FBXO10: variants seen among roughly 807,000 people sequenced by gnomAD.
FBXO10 encodes F-box only protein 10.
A neutral mutation model predicts 80.7 loss-of-function variants in FBXO10; 39 were observed. The ratio of observed to expected loss-of-function variants is 0.48; its 90% confidence interval spans 0.37 to 0.63. The LOEUF is 0.63. Among genes scored for constraint, FBXO10 ranks in the 30% least tolerant of loss-of-function variants. The probability of loss-of-function intolerance (pLI) is 0.00; values close to 1 mark genes in which losing one functional copy is unlikely to be tolerated. For missense variants in FBXO10, 1,025 were observed against 1,269.0 expected (o/e 0.81, Z 2.92); for synonymous variants, 449 against 489.6 (o/e 0.92, Z 1.09).
At chr9:37,556,333 T>C (rs1822333769) in intron 1 of FBXO10, among the ~76,000 whole-genome samples, 1 of 151,844 alleles carries the variant, frequency 6.6e-6, no homozygotes, top group African/African-American at 2.4e-5. Context: ...AAAAGTTTTA[T>C]AGTTTACACT....
intron 1 of FBXO10, among the ~76,000 whole-genome samples, chr9:37,559,827 C>T (rs1416345564): frequency 6.6e-6 from 1 of 152,196 alleles, no homozygotes; most frequent in Non-Finnish European, 1.5e-5. Context: ...TTAGAGTAAG[C>T]AGAGATCCCG....
chr9:37,557,167 T>A (rs965575039), intron 1 of FBXO10, among the ~76,000 whole-genome samples: 3 of 152,206 alleles, frequency 2.0e-5, no homozygotes, highest in African/African-American at 7.2e-5. Context: ...TTTCAGGCAA[T>A]GATGCCAATA....
intron 2 of FBXO10, among the ~76,000 whole-genome samples, chr9:37,539,825 G>A (rs1821867956): frequency 6.6e-6 from 1 of 152,176 alleles, no homozygotes; most frequent in Non-Finnish European, 1.5e-5. Flanking sequence ...TACCAACTGT[G>A]ACCTTCAGTA....
intron 2 of FBXO10, 91 bp downstream of exon 2, chr9:37,541,093 T>A: frequency 8.4e-7 from 1 of 1,187,696 alleles, no homozygotes. Flanking sequence ...TAACTTTCAA[T>A]TCCAACAAAA....
chr9:37,517,246 T>C (rs570948083), intron 9 of FBXO10, among the ~76,000 whole-genome samples: 1 of 152,130 alleles, frequency 6.6e-6, no homozygotes, highest in East Asian at 1.9e-4. Context: ...TAAAAGACTA[T>C]ATATTGGGTA....
chr9:37,519,229 A>T (rs79228423), intron 8 of FBXO10, among the ~76,000 whole-genome samples: 13,054 of 152,190 alleles, frequency 0.086, 1,566 homozygotes, highest in African/African-American at 0.27. Context: ...TTCTTAATGT[A>T]AGTTCTGTAA....
chr9:37,563,915 G>A (rs1018708204), intron 1 of FBXO10, among the ~76,000 whole-genome samples: 1 of 152,240 alleles, frequency 6.6e-6, no homozygotes, highest in Admixed American at 6.5e-5. Context: ...AAGTAATGAG[G>A]AATGTTAATC....
chr9:37,544,691 G>A (rs1179908794), intron 1 of FBXO10, among the ~76,000 whole-genome samples: 2 of 152,004 alleles, frequency 1.3e-5, no homozygotes. Context: ...TCACCAGCGA[G>A]ACTTTACTAA....
Position 37,540,783 on chromosome 9 carries a change from G to A in FBXO10, c.585+401C>T, listed in dbSNP as rs190490337. On this transcript the variant is annotated intron_variant, in intron 2 of 10. Transcript: ENST00000432825. ...TGCTGAAGGTGACTAGTCCTGTATA[G>A]CCTTTTTCCTCTGTGGCTCTCACTC... Among the ~76,000 whole-genome samples, 227 of 152,314 alleles carry A rather than the reference G, an allele frequency of 1.5e-3. 1 individual carries two copies. The highest frequency in any genetic ancestry group is 5.2e-3 in the African/African-American group (215 of 41,568).
chr9:37,532,294 C>CTTT (rs869146793), intron 3 of FBXO10, among the ~76,000 whole-genome samples: 35 of 102,388 alleles, frequency 3.4e-4, no homozygotes, highest in East Asian at 5.8e-4. Flanking sequence ...CACATTGGTT[C>CTTT]TTTTTTTTTT....
intron 1 of FBXO10, among the ~76,000 whole-genome samples, chr9:37,543,851 C>T (rs906785150): frequency 8.5e-5 from 13 of 152,200 alleles, no homozygotes; most frequent in African/African-American, 2.9e-4. Flanking sequence ...GGACTATGGC[C>T]GGACATGGTG....
rs539986772 is a variant in FBXO10 at position 37,557,680 on chromosome 9, T to A, written c.-6-15906A>T. On this transcript the variant is annotated intron_variant, in intron 1 of 10. Transcript: ENST00000432825. ...AAAGTCCATTTCTAGCTAGCTCAGA[T>A]AATCTCCCTCCCACATAACAGCTTA... Among the ~76,000 whole-genome samples the A allele has an allele frequency of 2.6e-5, 4 of 152,372 alleles. No individual in the cohort carries two copies. The South Asian group carries it at 8.3e-4, about 32-fold the overall frequency.
chr9:37,572,593 A>T (rs1037106194), intron 1 of FBXO10, among the ~76,000 whole-genome samples: 1 of 152,250 alleles, frequency 6.6e-6, no homozygotes, highest in African/African-American at 2.4e-5. Flanking sequence ...GTATGAAATT[A>T]AAAAACTTAA....
intron 10 of FBXO10, 104 bp from the exon 11 acceptor site, chr9:37,512,825 G>C: frequency 8.4e-7 from 1 of 1,184,424 alleles, no homozygotes; most frequent in Non-Finnish European, 1.2e-6. Flanking sequence ...GGATCCAGGT[G>C]TTTAAATCTG....
rs141746819 is a variant in FBXO10, at chr9:37,536,341, G to A, written c.1419+769C>T. 9.9e-5 allele frequency among the ~76,000 whole-genome samples: 15 copies of A among 152,260 alleles called. No homozygotes were observed. The East Asian group carries it at 2.9e-3, about 29-fold the overall frequency. On this transcript the variant is annotated intron_variant, in intron 3 of 10. Transcript: ENST00000432825. ...GACTCGAATCTAGGTGCTATGCCAT[G>A]CTTTCTTCTGCATGGGCTGTCTTTC...
intron 8 of FBXO10, among the ~76,000 whole-genome samples, chr9:37,519,156 G>A (rs954878988): frequency 4.6e-5 from 7 of 152,116 alleles, no homozygotes; most frequent in South Asian, 2.1e-4. Flanking sequence ...TGATCCACCT[G>A]CCTCGGCCTC....
intron 10 of FBXO10, 30 bp downstream of exon 10, chr9:37,515,874 G>T: frequency 6.2e-7 from 1 of 1,602,936 alleles, no homozygotes; most frequent in South Asian, 1.1e-5. Context: ...TGGCTCTAGA[G>T]GACTCGTTCA....
At chr9:37,532,887 A>T (rs1275944165) in intron 3 of FBXO10, among the ~76,000 whole-genome samples, 1 of 152,226 alleles carries the variant, frequency 6.6e-6, no homozygotes, top group Non-Finnish European at 1.5e-5. Flanking sequence ...CTTCACTAAA[A>T]TCCACCTGTC....
At chr9:37,572,170 G>C (rs935937117) in intron 1 of FBXO10, among the ~76,000 whole-genome samples, 2 of 152,004 alleles carry the variant, frequency 1.3e-5, no homozygotes, top group African/African-American at 4.8e-5. Flanking sequence ...TAACCAAGGA[G>C]AGCAAGTTAA....
Sources: gnomAD v4.1 joint callset for allele counts (sites outside exome capture counted in the v4.1 genomes callset) on GRCh38, gnomAD v4.1.1 for gene constraint, MANE v1.5 for transcripts, NCBI Gene and HGNC (gene_info 2026-07-23, HGNC 2026-07-21) for gene names.